Variants in THADA observed in about 807,000 individuals in gnomAD.
THADA encodes THADA armadillo repeat containing, also known as tRNA (32-2'-O)-methyltransferase regulator THADA.
In THADA, 213 loss-of-function variants were observed where a neutral mutation model predicts 219.8. The observed-to-expected ratio is 0.97, with a 90% CI of 0.87 to 1.09. The LOEUF (loss-of-function observed/expected upper bound fraction) is 1.09, where lower values mean the gene tolerates loss of function less well. THADA is among the 50% of genes least tolerant of loss of function. The pLI is 0.00. For synonymous variants in THADA, 1,018 were observed against 828.9 expected, an observed-to-expected ratio of 1.23 and a Z score of -3.92; for missense variants, 2,956 against 2,311.3, an observed-to-expected ratio of 1.28 and a Z score of -5.72.
intron 29 of THADA, among the ~76,000 whole-genome samples, chr2:43,384,185 A>T (rs1485707019): frequency 6.6e-6 from 1 of 152,218 alleles, no homozygotes; most frequent in East Asian, 1.9e-4. Flanking sequence ...AAGGAGGAAA[A>T]GCTAGGACAA....
chr2:43,269,152 C>G (rs1299083256), intron 36 of THADA, among the ~76,000 whole-genome samples: 1 of 152,204 alleles, frequency 6.6e-6, no homozygotes, highest in Non-Finnish European at 1.5e-5. Context: ...CACCAGGCAC[C>G]AGGCTTGCCC....
intron 26 of THADA, among the ~76,000 whole-genome samples, chr2:43,436,967 T>C (rs1449717580): frequency 6.6e-6 from 1 of 152,228 alleles, no homozygotes. Context: ...CAGTAGGTCA[T>C]ATAGCTCTCA....
At chr2:43,441,695 T>G (rs946471037) in intron 26 of THADA, among the ~76,000 whole-genome samples, 2 of 152,190 alleles carry the variant, frequency 1.3e-5, no homozygotes, top group Admixed American at 1.3e-4. Context: ...TGTCTCCATA[T>G]AAAAGAATTT....
At chr2:43,459,221 C>T (rs575396716) in intron 26 of THADA, among the ~76,000 whole-genome samples, 1 of 152,284 alleles carries the variant, frequency 6.6e-6, no homozygotes, top group East Asian at 1.9e-4. Context: ...GCATTTTCAT[C>T]CTGACTTTTG....
intron 35 of THADA, among the ~76,000 whole-genome samples, chr2:43,286,604 G>C (rs899856454): frequency 2.6e-5 from 4 of 152,082 alleles, no homozygotes; most frequent in Admixed American, 6.6e-5. Context: ...AGCTGGGTTT[G>C]GTGATGGCTA....
At chr2:43,270,646 G>A (rs1329204495) in intron 36 of THADA, among the ~76,000 whole-genome samples, 1 of 152,106 alleles carries the variant, frequency 6.6e-6, no homozygotes, top group Admixed American at 6.5e-5. Context: ...ATCTGCCTTG[G>A]GACGTTGGGC....
intron 21 of THADA, among the ~76,000 whole-genome samples, chr2:43,529,994 T>C (rs1477534723): frequency 1.3e-5 from 2 of 152,182 alleles, no homozygotes; most frequent in Non-Finnish European, 2.9e-5. Flanking sequence ...CAGTTCAATA[T>C]GAGTTCTGAC....
At chr2:43,457,719 T>A (rs1270062513) in intron 26 of THADA, among the ~76,000 whole-genome samples, 8 of 152,172 alleles carry the variant, frequency 5.3e-5, no homozygotes, top group African/African-American at 1.9e-4. Context: ...CCCACAAATA[T>A]TTTCTAACAC....
chr2:43,539,186 G>T lies in THADA; in HGVS notation c.3264+1973C>A, dbSNP rs17031021. The stretch of plus-strand genomic sequence containing the variant: ...CTTCACTGCCTCCGTGTATTCAGAC[G>T]GCAGTCACATTCACCTAAGGCTTGA... On this transcript the variant is annotated intron_variant, in intron 21 of 37. Transcript: ENST00000405975. Among the ~76,000 whole-genome samples the T allele has an allele frequency of 3.1e-3, 473 of 152,248 alleles. 4 individuals are homozygous for T. The highest frequency in any genetic ancestry group is 0.011 in the African/African-American group (457 of 41,546).
At chr2:43,390,516 C>G (rs1471979657) in intron 29 of THADA, among the ~76,000 whole-genome samples, 1 of 152,174 alleles carries the variant, frequency 6.6e-6, no homozygotes, top group African/African-American at 2.4e-5. Flanking sequence ...CCAATGACGA[C>G]TATTCTGACA....
intron 36 of THADA, among the ~76,000 whole-genome samples, chr2:43,277,010 C>G (rs1181486076): frequency 6.6e-6 from 1 of 152,212 alleles, no homozygotes; most frequent in Non-Finnish European, 1.5e-5. Context: ...GTCCTCTCCT[C>G]TCCATCCCAA....
At chr2:43,472,461 T>C (rs967850156) in intron 26 of THADA, among the ~76,000 whole-genome samples, 5 of 152,198 alleles carry the variant, frequency 3.3e-5, no homozygotes, top group Non-Finnish European at 5.9e-5. Context: ...AAGAGAATCA[T>C]TGAAAGAACC....
Position 43,514,083 on chromosome 2 carries a change from C to G in THADA, c.3375-5303G>C, listed in dbSNP as rs913897720. ...CCTTAAAAAAAAAAAAAATAAAGAA[C>G]AAGAAATCATGAAAAACAAGCCGTA... On this transcript the variant is annotated intron_variant, in intron 22 of 37. Coordinates refer to ENST00000405975, the MANE Select transcript of THADA (RefSeq NM_022065.5). Among the ~76,000 whole-genome samples the G allele has an allele frequency of 3.3e-5, 5 of 149,306 alleles. No individual in the cohort carries two copies. In the South Asian group the frequency reaches 1.1e-3, roughly 32 times the overall value.
intron 3 of THADA, among the ~76,000 whole-genome samples, chr2:43,591,633 T>G (rs1235411623): frequency 2.0e-5 from 3 of 152,184 alleles, no homozygotes; most frequent in Non-Finnish European, 4.4e-5. Flanking sequence ...CTTTATATTT[T>G]AAATTAACTT....
At chr2:43,335,302 G>A (rs1215390373) in intron 30 of THADA, among the ~76,000 whole-genome samples, 3 of 152,176 alleles carry the variant, frequency 2.0e-5, no homozygotes, top group Admixed American at 2.0e-4. Flanking sequence ...AGTACAAAGA[G>A]CCCAGTAAGG....
At chr2:43,359,540 C>T (rs967579023) in intron 29 of THADA, among the ~76,000 whole-genome samples, 2 of 152,166 alleles carry the variant, frequency 1.3e-5, no homozygotes, top group African/African-American at 4.8e-5. Flanking sequence ...ATTAGCCAGG[C>T]ATGCTGGCGG....
chr2:43,300,419 CAGAG>C (rs1238938741), intron 31 of THADA, among the ~76,000 whole-genome samples: 1 of 152,054 alleles, frequency 6.6e-6, no homozygotes. Flanking sequence ...GATGAGGAAA[CAGAG>C]AGGTGAAGTT....
chr2:43,564,548 A>G (rs546839725), intron 15 of THADA: 72 of 152,368 alleles, frequency 4.7e-4, no homozygotes, highest in African/African-American at 1.6e-3. Context: ...ATCTAGAATT[A>G]TCTCACCTCA....
intron 20 of THADA, among the ~76,000 whole-genome samples, chr2:43,546,754 C>T (rs575692405): frequency 1.3e-5 from 2 of 152,102 alleles, no homozygotes; most frequent in African/African-American, 4.8e-5. Context: ...TATTTTGAGC[C>T]TATGTGTGTC....
Sources: gnomAD v4.1 joint callset for allele counts (sites outside exome capture counted in the v4.1 genomes callset) on GRCh38, gnomAD v4.1.1 for gene constraint, MANE v1.5 for transcripts, NCBI Gene and HGNC (gene_info 2026-07-23, HGNC 2026-07-21) for gene names.